The following FREM2 variants were observed in gnomAD, a reference collection of about 807,000 sequenced individuals.
The protein encoded by FREM2 is FRAS1-related extracellular matrix protein 2.
In FREM2, 119 loss-of-function variants were observed where a neutral mutation model predicts 219.9. The ratio of observed to expected loss-of-function variants is 0.54; its 90% CI spans 0.47 to 0.63. The LOEUF is 0.63. Ranked by LOEUF, FREM2 falls within the 30% of genes least tolerant of loss-of-function variation. The probability of loss-of-function intolerance (pLI) is 0.00; values close to 1 mark genes in which losing one functional copy is unlikely to be tolerated. For synonymous variants in FREM2, 1,562 were observed against 1,522.8 expected (o/e 1.03, Z -0.60); for missense variants, 4,030 against 3,993.6 (o/e 1.01, Z -0.25).
intron 2 of FREM2, among the ~76,000 whole-genome samples, chr13:38,753,318 T>C (rs1479615890): frequency 6.6e-6 from 1 of 152,212 alleles, no homozygotes; most frequent in African/African-American, 2.4e-5. Context: ...AGTCTTATGC[T>C]TAAGAACAGT....
At chr13:38,716,524 T>G (rs1338158745) in intron 2 of FREM2, among the ~76,000 whole-genome samples, 1 of 152,106 alleles carries the variant, frequency 6.6e-6, no homozygotes, top group Non-Finnish European at 1.5e-5. Flanking sequence ...CCTTTTTTTT[T>G]CTTTTGGAGA....
intron 6 of FREM2, among the ~76,000 whole-genome samples, chr13:38,802,530 G>A (rs1593416589): frequency 6.6e-6 from 1 of 152,146 alleles, no homozygotes; most frequent in Admixed American, 6.5e-5. Context: ...GGGGAGTGCA[G>A]TTTGATTGCA....
intron 3 of FREM2, among the ~76,000 whole-genome samples, chr13:38,766,795 A>T (rs777305359): frequency 1.3e-4 from 20 of 152,352 alleles, no homozygotes; most frequent in Non-Finnish European, 2.2e-4. Flanking sequence ...TATTAAAGGC[A>T]AGGTACTTCA....
chr13:38,843,683 A>C (rs1026639497), intron 6 of FREM2, among the ~76,000 whole-genome samples: 5 of 152,178 alleles, frequency 3.3e-5, no homozygotes, highest in Admixed American at 6.5e-5. Context: ...ATGTGTCTTT[A>C]ACTCATTCAT....
chr13:38,787,960 C>G (rs915726339), intron 6 of FREM2, among the ~76,000 whole-genome samples: 6 of 151,630 alleles, frequency 4.0e-5, no homozygotes, highest in African/African-American at 1.2e-4. Flanking sequence ...AAGAACAGGA[C>G]AAACCAAGAA....
chr13:38,769,660 CCAGACCAGGGCCACATGGCGAGTG>C lies in FREM2; in HGVS notation c.5495_5518del (p.Gln1832_Val1839del). 6.2e-7 allele frequency: 1 copy of C among 1,614,174 alleles called. No individual in the cohort carries two copies. Among genetic ancestry groups the C allele is most frequent in the Non-Finnish European group, 8.5e-7 (1 of 1,180,004 alleles). On this transcript the variant is annotated inframe_deletion, in exon 4 of 24. Transcript: ENST00000280481. ...AGAAACAAGTGCAGTTCAACCCAGGCCAGACCAGGGCCACATGGCGAGTGCGGATCCTGAGTGATGGGGAGCATG... is the reference window on the plus strand; with the variant it reads ...AGAAACAAGTGCAGTTCAACCCAGGCCGGATCCTGAGTGATGGGGAGCATG...
At chr13:38,850,609 C>T (rs1877334290) in intron 9 of FREM2, among the ~76,000 whole-genome samples, 1 of 152,176 alleles carries the variant, frequency 6.6e-6, no homozygotes, top group South Asian at 2.1e-4. Context: ...TCAACCAGGG[C>T]AAGGCTGCTA....
intron 2 of FREM2, among the ~76,000 whole-genome samples, chr13:38,700,430 C>T (rs953188122): frequency 6.6e-6 from 1 of 152,068 alleles, no homozygotes; most frequent in Non-Finnish European, 1.5e-5. Context: ...GTCTTTACCT[C>T]AGGGGAAGTC....
Position 38,689,283 on chromosome 13 carries a change from G to T in FREM2, c.1939G>T (p.Asp647Tyr). ...ERTVTEWQQQ[D>Y]ITEGRLFYRH... is the part of the protein sequence containing the mutation. ...AACAGTGACAGAGTGGCAGCAGCAG[G>T]ACATAACAGAGGGCAGGCTGTTCTA... Residue 647 changes from aspartate (D) to tyrosine (Y), a missense_variant, in exon 1 of 24, where the codon GAC (aspartate) becomes TAC (tyrosine). Physicochemically the swap from Asp to Tyr is radical, Grantham distance 160. Around this residue, in one of 2 missense-constraint regions of FREM2, gnomAD observed 3,102 missense variants for 2,950.7 expected, o/e 1.05. Transcript: ENST00000280481. The T allele has an allele frequency of 6.2e-7, 1 of 1,614,112 alleles. No individual in the cohort carries two copies. Among genetic ancestry groups the T allele is most frequent in the Admixed American group, 1.7e-5 (1 of 60,022 alleles).
At chr13:38,756,859 A>G (rs905977898) in intron 2 of FREM2, among the ~76,000 whole-genome samples, 7 of 152,044 alleles carry the variant, frequency 4.6e-5, no homozygotes, top group Admixed American at 1.3e-4. Flanking sequence ...ACCATTTTTA[A>G]AAATAGCAAA....
chr13:38,879,036 A>T, intron 23 of FREM2, 59 bp downstream of exon 23: 1 of 1,465,766 alleles, frequency 6.8e-7, no homozygotes, highest in Non-Finnish European at 9.6e-7. Context: ...GTTATGGAAC[A>T]TTTATATGCC....
intron 2 of FREM2, among the ~76,000 whole-genome samples, chr13:38,736,502 C>A (rs945543321): frequency 2.0e-5 from 3 of 152,200 alleles, no homozygotes; most frequent in African/African-American, 7.2e-5. Flanking sequence ...ACATGTGAAA[C>A]CTTTTTGACG....
rs1270947559 is a variant in FREM2, at chr13:38,880,342, A to G, written c.9065A>G (p.Asn3022Ser). ...HTIYTVRSKDNANRGIGKRSV... is the reference protein window; with the variant it reads ...HTIYTVRSKDSANRGIGKRSV... ...ATCTATACAGTGAGATCGAAAGACAATGCCAATCGAGGTATTGGCAAAAGA... is the reference window on the plus strand; with the variant it reads ...ATCTATACAGTGAGATCGAAAGACAGTGCCAATCGAGGTATTGGCAAAAGA... Residue 3022 changes from asparagine to serine, a missense_variant, in exon 24 of 24, where the codon AAT (asparagine) becomes AGT (serine). Around this residue, in one of 2 missense-constraint regions of FREM2, gnomAD observed 928 missense variants for 1,042.9 expected, o/e 0.89. Coordinates refer to ENST00000280481, the MANE Select transcript of FREM2 (RefSeq NM_207361.6). 4 of 1,613,806 alleles carry G rather than the reference A, an allele frequency of 2.5e-6. No homozygotes were observed. The highest frequency in any genetic ancestry group is 2.7e-5 in the African/African-American group (2 of 74,896).
intron 14 of FREM2, among the ~76,000 whole-genome samples, chr13:38,860,679 T>A (rs1314442908): frequency 6.6e-6 from 1 of 152,246 alleles, no homozygotes; most frequent in Non-Finnish European, 1.5e-5. Flanking sequence ...AGTAATTGTA[T>A]CTTTCCAAGT....
Position 38,768,890 on chromosome 13 carries a change from A to C in FREM2, c.5411-688A>C, listed in dbSNP as rs984200274. Reference sequence around the variant, plus strand: ...TCCCAGCTAACTGAAATTGACCTTGAATGAACTACCAGAGTAAGCCAAGCA... The same window carrying C: ...TCCCAGCTAACTGAAATTGACCTTGCATGAACTACCAGAGTAAGCCAAGCA... On this transcript the variant is annotated intron_variant, in intron 3 of 23. Coordinates refer to ENST00000280481, the MANE Select transcript of FREM2 (RefSeq NM_207361.6). 9.2e-5 allele frequency among the ~76,000 whole-genome samples: 14 copies of C among 152,324 alleles called. No homozygotes were observed. In the South Asian group the frequency reaches 1.9e-3, roughly 20 times the overall value.
intron 2 of FREM2, among the ~76,000 whole-genome samples, chr13:38,721,265 T>G (rs1477473505): frequency 6.6e-6 from 1 of 152,012 alleles, no homozygotes; most frequent in Non-Finnish European, 1.5e-5. Context: ...TGAAACTAAG[T>G]CCAGATGTCC....
intron 2 of FREM2, 102 bp from the exon 3 acceptor site, chr13:38,764,202 G>A (rs1055095323): frequency 1.6e-5 from 13 of 823,148 alleles, no homozygotes; most frequent in Middle Eastern, 3.0e-4. Context: ...CTAAGTAGCT[G>A]TATTGATTGT....
intron 4 of FREM2, among the ~76,000 whole-genome samples, chr13:38,774,708 A>G (rs542212405): frequency 9.2e-5 from 14 of 152,214 alleles, no homozygotes; most frequent in Non-Finnish European, 2.1e-4. Flanking sequence ...GTCTGATTTT[A>G]TATAAAGATC....
chr13:38,791,911 C>G (rs1341103272), intron 6 of FREM2, among the ~76,000 whole-genome samples: 1 of 152,198 alleles, frequency 6.6e-6, no homozygotes, highest in Admixed American at 6.5e-5. Flanking sequence ...TTTCCTCCCT[C>G]ATGTCTTCAT....
Sources: allele counts gnomAD v4.1 joint callset (sites outside exome capture counted in the v4.1 genomes callset), GRCh38; gene constraint gnomAD v4.1.1; regional missense constraint gnomAD v4.1.1; transcripts MANE v1.5; gene names NCBI Gene and HGNC (gene_info 2026-07-23, HGNC 2026-07-21).